The following KCNAB1 variants were observed in gnomAD, a reference collection of about 807,000 sequenced individuals.
The protein encoded by KCNAB1 is voltage-gated potassium channel subunit beta-1.
Under a neutral mutation model 64.6 loss-of-function variants are expected in KCNAB1, and 35 were observed. The ratio of observed to expected loss-of-function variants is 0.54; its 90% CI spans 0.41 to 0.72. The LOEUF is 0.72. KCNAB1 is among the 30% of genes least tolerant of loss of function. KCNAB1 has a pLI of 0.00. For synonymous variants in KCNAB1, 177 were observed against 183.8 expected, an observed-to-expected ratio of 0.96 and a Z score of 0.30; for missense variants, 401 against 512.9, an observed-to-expected ratio of 0.78 and a Z score of 2.11.
intron 8 of KCNAB1, among the ~76,000 whole-genome samples, chr3:156,486,566 G>A (rs766987159): frequency 3.3e-5 from 5 of 152,148 alleles, no homozygotes; most frequent in African/African-American, 4.8e-5. Flanking sequence ...AAATCCAGGG[G>A]TAAAGAGGTG....
intron 8 of KCNAB1, among the ~76,000 whole-genome samples, chr3:156,491,195 C>T (rs1715604713): frequency 6.6e-6 from 1 of 152,038 alleles, no homozygotes; most frequent in African/African-American, 2.4e-5. Context: ...AAGTGGAAGC[C>T]ATGGGATCCA....
At chr3:156,288,638 A>C (rs536592701) in intron 1 of KCNAB1, among the ~76,000 whole-genome samples, 6 of 152,324 alleles carry the variant, frequency 3.9e-5, no homozygotes, top group African/African-American at 1.4e-4. Flanking sequence ...GCTGGCAGTC[A>C]GAATGCCCAT....
chr3:156,128,862 C>T (rs1278424188), intron 1 of KCNAB1, among the ~76,000 whole-genome samples: 1 of 152,038 alleles, frequency 6.6e-6, no homozygotes, highest in Non-Finnish European at 1.5e-5. Flanking sequence ...GCTATGAGAG[C>T]AGGGCGCAAG....
At chr3:156,286,325 T>G (rs1467203482) in intron 1 of KCNAB1, among the ~76,000 whole-genome samples, 1 of 152,246 alleles carries the variant, frequency 6.6e-6, no homozygotes, top group Non-Finnish European at 1.5e-5. Context: ...AGAAATTCTT[T>G]TAATCACAAA....
chr3:156,181,178 C>T (rs575146563), intron 1 of KCNAB1, among the ~76,000 whole-genome samples: 1 of 152,126 alleles, frequency 6.6e-6, no homozygotes. Flanking sequence ...AATACAAGCA[C>T]ATTCTGACAT....
At chr3:156,405,370 G>C (rs1714180543) in intron 1 of KCNAB1, among the ~76,000 whole-genome samples, 1 of 152,194 alleles carries the variant, frequency 6.6e-6, no homozygotes, top group Admixed American at 6.5e-5. Context: ...CCAGCCCTCT[G>C]TGTCCATCTT....
chr3:156,523,306 C>T (rs1718078099), intron 11 of KCNAB1, among the ~76,000 whole-genome samples: 1 of 152,082 alleles, frequency 6.6e-6, no homozygotes, highest in African/African-American at 2.4e-5. Context: ...AACAACAAAG[C>T]CCCATTATAA....
Position 156,537,147 on chromosome 3 carries a change from T to TA in KCNAB1, c.*401dup, listed in dbSNP as rs1430874597. On this transcript the variant is annotated 3_prime_UTR_variant, in exon 14 of 14. Transcript: ENST00000490337. ...TGAGTTGCGTAAGAAACAGAGTAGA[T>TA]AGACTAAATTCAGTGAAGGAAAGGA... The TA allele has an allele frequency of 2.5e-6, 1 of 398,518 alleles. No homozygotes were observed. The allele number at this position is 398,518 out of a possible 1,614,324, so 24.7% of individuals were successfully genotyped here. A position where few individuals can be genotyped will look rare whatever the true frequency, so the allele number is the denominator to read the frequency against.
In KCNAB1 at chr3:156,317,764, A is replaced by G. The variant is rs1483905540; in HGVS notation, c.276-103852A>G. Among the ~76,000 whole-genome samples, 3 of 152,180 alleles carry G rather than the reference A, an allele frequency of 2.0e-5. No homozygotes were observed. In the East Asian group the frequency reaches 5.8e-4, roughly 29 times the overall value. On this transcript the variant is annotated intron_variant, in intron 1 of 13. Coordinates refer to ENST00000490337, the MANE Select transcript of KCNAB1 (RefSeq NM_172160.3). ...TATCCCAGCCCTCACACTTTTCACA[A>G]AGTCAGTTCCCATTGGAGCTGAAAC...
intron 13 of KCNAB1, among the ~76,000 whole-genome samples, chr3:156,535,124 G>A (rs904917105): frequency 6.6e-6 from 1 of 152,088 alleles, no homozygotes; most frequent in African/African-American, 2.4e-5. Context: ...AGAGCTAGTG[G>A]GAAACCAAAT....
At chr3:156,185,773 A>C (rs976803747) in intron 1 of KCNAB1, among the ~76,000 whole-genome samples, 1 of 152,108 alleles carries the variant, frequency 6.6e-6, no homozygotes, top group Non-Finnish European at 1.5e-5. Flanking sequence ...GACACCTTTC[A>C]GATGGGAATT....
At chr3:156,125,231 G>A (rs1309780159) in intron 1 of KCNAB1, among the ~76,000 whole-genome samples, 1 of 152,152 alleles carries the variant, frequency 6.6e-6, no homozygotes, top group Non-Finnish European at 1.5e-5. Flanking sequence ...GTAAAATAGG[G>A]CTTGAGATAT....
At chr3:156,292,406 C>T (rs77261507) in intron 1 of KCNAB1, among the ~76,000 whole-genome samples, 1 of 152,274 alleles carries the variant, frequency 6.6e-6, no homozygotes, top group East Asian at 1.9e-4. Context: ...AACACAACTG[C>T]TGGAACTGGT....
At chr3:156,463,539 G>C (rs543285419) in intron 5 of KCNAB1, among the ~76,000 whole-genome samples, 163 bp from the exon 6 acceptor site, 1 of 152,090 alleles carries the variant, frequency 6.6e-6, no homozygotes, top group Non-Finnish European at 1.5e-5. Context: ...GCTTCCCTTT[G>C]TCTTTATTTC....
At chr3:156,474,465 C>G (rs1246560600) in intron 7 of KCNAB1, among the ~76,000 whole-genome samples, 3 of 152,186 alleles carry the variant, frequency 2.0e-5, no homozygotes, top group Admixed American at 2.0e-4. Flanking sequence ...ACATACAAGT[C>G]ACTGTGAAGG....
intron 1 of KCNAB1, among the ~76,000 whole-genome samples, chr3:156,231,554 C>T (rs1716533150): frequency 7.0e-6 from 1 of 142,844 alleles, no homozygotes; most frequent in Non-Finnish European, 1.5e-5. Context: ...TTCCCTCCTT[C>T]CTTCCTTCCT....
intron 1 of KCNAB1, among the ~76,000 whole-genome samples, chr3:156,331,674 AGTG>A (rs1466800546): frequency 6.6e-6 from 1 of 152,042 alleles, no homozygotes; most frequent in Non-Finnish European, 1.5e-5. Flanking sequence ...AATAGCAGAT[AGTG>A]GTGGGCATTT....
chr3:156,350,776 G>T (rs553698193), intron 1 of KCNAB1, among the ~76,000 whole-genome samples: 41 of 152,352 alleles, frequency 2.7e-4, no homozygotes, highest in African/African-American at 9.6e-4. Context: ...AGCATTGCTT[G>T]TGTAATGCCA....
chr3:156,369,300 T>G (rs1003131542), intron 1 of KCNAB1, among the ~76,000 whole-genome samples: 12 of 152,270 alleles, frequency 7.9e-5, no homozygotes, highest in African/African-American at 2.9e-4. Flanking sequence ...TCCGGTATGA[T>G]ATTCCATTGT....
Sources: allele counts gnomAD v4.1 joint callset (sites outside exome capture counted in the v4.1 genomes callset), GRCh38; gene constraint gnomAD v4.1.1; transcripts MANE v1.5; gene names NCBI Gene and HGNC (gene_info 2026-07-23, HGNC 2026-07-21).